ANKRD55: variants seen among roughly 807,000 people sequenced by gnomAD.
The protein encoded by ANKRD55 is ankyrin repeat domain 55, also known as ankyrin repeat domain-containing protein 55.
In ANKRD55, 41 loss-of-function variants were observed where a neutral mutation model predicts 60.6. The observed-to-expected ratio is 0.68, with a 90% CI of 0.53 to 0.88. The LOEUF (loss-of-function observed/expected upper bound fraction) is 0.88. Among genes scored for constraint, ANKRD55 ranks in the 40% least tolerant of loss-of-function variants. ANKRD55 has a pLI of 0.00. For synonymous variants in ANKRD55, 264 were observed against 290.3 expected, an observed-to-expected ratio of 0.91 and a Z score of 0.92; for missense variants, 732 against 767.6, an observed-to-expected ratio of 0.95 and a Z score of 0.55.
At chr5:56,190,745 G>C (rs999241687) in intron 2 of ANKRD55, among the ~76,000 whole-genome samples, 3 of 152,150 alleles carry the variant, frequency 2.0e-5, no homozygotes, top group East Asian at 3.9e-4. Flanking sequence ...GCAGAAGCGA[G>C]CATCTGAGAC....
intron 8 of ANKRD55, among the ~76,000 whole-genome samples, chr5:56,124,417 GAGA>G (rs762870055): frequency 2.0e-5 from 3 of 152,188 alleles, no homozygotes; most frequent in African/African-American, 2.4e-5. Flanking sequence ...CACTAAAAAA[GAGA>G]AGAAGGAAAG....
intron 6 of ANKRD55, among the ~76,000 whole-genome samples, chr5:56,150,237 C>T (rs1758005900): frequency 6.6e-6 from 1 of 152,142 alleles, no homozygotes; most frequent in African/African-American, 2.4e-5. Context: ...GACTTTGCCA[C>T]CTCTATAAAT....
rs570219129 is a variant in ANKRD55 at position 56,225,197 on chromosome 5, G to A, written c.58+7659C>T. Among the ~76,000 whole-genome samples, 267 of 152,134 alleles carry A rather than the reference G, an allele frequency of 1.8e-3. 4 individuals carry two copies. Among genetic ancestry groups the A allele is most frequent in the African/African-American group, 5.9e-3 (246 of 41,478 alleles). On this transcript the variant is annotated intron_variant, in intron 2 of 11. Transcript: ENST00000341048. Reference sequence around the variant, plus strand: ...CTTCAACATACACAAATCAATAAACGTAATCCATCATATAAACAGAACCAA... The same window carrying A: ...CTTCAACATACACAAATCAATAAACATAATCCATCATATAAACAGAACCAA...
At chr5:56,204,466 A>G (rs370462793) in intron 2 of ANKRD55, among the ~76,000 whole-genome samples, 47 of 152,330 alleles carry the variant, frequency 3.1e-4, no homozygotes, top group African/African-American at 9.6e-4. Context: ...TAAGTCTAAC[A>G]TATAATTCTT....
At chr5:56,112,002 C>T (rs376551878) in intron 9 of ANKRD55, among the ~76,000 whole-genome samples, 7 of 152,250 alleles carry the variant, frequency 4.6e-5, no homozygotes, top group African/African-American at 1.7e-4. Context: ...AGTCTTTGCC[C>T]AAGGAGGACG....
chr5:56,102,004 T>A (rs530102715), intron 11 of ANKRD55, among the ~76,000 whole-genome samples: 72 of 152,050 alleles, frequency 4.7e-4, no homozygotes, highest in South Asian at 2.5e-3. Flanking sequence ...GTTATTTTTT[T>A]AAAAAAAATA....
chr5:56,121,530 A>G (rs753123533), intron 8 of ANKRD55, among the ~76,000 whole-genome samples: 9 of 151,568 alleles, frequency 5.9e-5, no homozygotes, highest in Admixed American at 1.3e-4. Context: ...CCGCCACCAC[A>G]CCCAGCTAAT....
intron 9 of ANKRD55, among the ~76,000 whole-genome samples, chr5:56,115,847 TTTAA>T (rs1168314453): frequency 3.9e-5 from 6 of 152,124 alleles, no homozygotes; most frequent in Non-Finnish European, 7.3e-5. Context: ...AATTTCTCAT[TTTAA>T]TTAATTAATT....
intron 10 of ANKRD55, among the ~76,000 whole-genome samples, chr5:56,107,605 G>A (rs1580936084): frequency 6.6e-6 from 1 of 152,124 alleles, no homozygotes; most frequent in African/African-American, 2.4e-5. Context: ...GTGAATATAT[G>A]ACCAAAGTTT....
chr5:56,182,578 G>A (rs1249620710), intron 3 of ANKRD55, among the ~76,000 whole-genome samples: 1 of 151,868 alleles, frequency 6.6e-6, no homozygotes, highest in East Asian at 1.9e-4. Context: ...TCTTTCATTG[G>A]CATCTGTTGA....
intron 7 of ANKRD55, 113 bp from the exon 8 acceptor site, chr5:56,127,219 A>G: frequency 1.5e-6 from 2 of 1,327,348 alleles, no homozygotes; most frequent in South Asian, 2.6e-5. Context: ...AAGAAAGAAA[A>G]AAGATGAAAA....
In ANKRD55 at chr5:56,183,592, G is replaced by A. The variant is rs1234406317; in HGVS notation, c.101C>T (p.Ala34Val). 5 of 1,614,212 alleles carry A rather than the reference G, an allele frequency of 3.1e-6. No individual in the cohort carries two copies. In the South Asian group the frequency reaches 5.5e-5, roughly 18 times the overall value. ...EEVDLTMVYQ[A>V]ASNGDVNALT... is the part of the protein sequence containing the mutation. ...AGCATTGACATCTCCATTAGAGGCTGCTTGATAAACCATGGTCAGGTCAAC... is the reference window on the plus strand; with the variant it reads ...AGCATTGACATCTCCATTAGAGGCTACTTGATAAACCATGGTCAGGTCAAC... The change falls in exon 3 of 12, where the codon GCA becomes GTA. Residue 34 changes from alanine to valine, a missense_variant. Physicochemically the swap from Ala to Val is moderately conservative, Grantham distance 64. Coordinates refer to ENST00000341048, the MANE Select transcript of ANKRD55 (RefSeq NM_024669.3).
chr5:56,224,465 G>C (rs1760053202), intron 2 of ANKRD55, among the ~76,000 whole-genome samples: 1 of 152,162 alleles, frequency 6.6e-6, no homozygotes, highest in Admixed American at 6.5e-5. Context: ...AAAGCTAGCA[G>C]AAGGCAAGAA....
intron 2 of ANKRD55, among the ~76,000 whole-genome samples, chr5:56,220,071 C>T (rs1389390276): frequency 6.6e-6 from 1 of 152,188 alleles, no homozygotes; most frequent in South Asian, 2.1e-4. Context: ...GAAGCTGATC[C>T]AATGAGTTGT....
chr5:56,130,635 A>G (rs1458283212), intron 7 of ANKRD55, among the ~76,000 whole-genome samples: 1 of 152,230 alleles, frequency 6.6e-6, no homozygotes, highest in Non-Finnish European at 1.5e-5. Flanking sequence ...CAATATCTAC[A>G]GAGCAAGCAT....
chr5:56,189,831 A>G (rs575332972), intron 2 of ANKRD55, among the ~76,000 whole-genome samples: 1 of 152,222 alleles, frequency 6.6e-6, no homozygotes, highest in East Asian at 1.9e-4. Context: ...TCTTTTGGGT[A>G]TATACTCAGA....
intron 2 of ANKRD55, among the ~76,000 whole-genome samples, chr5:56,207,278 A>G (rs1294061612): frequency 6.6e-6 from 1 of 152,242 alleles, no homozygotes; most frequent in Non-Finnish European, 1.5e-5. Context: ...TTCCTGAGGA[A>G]TGATTAGAGC....
intron 6 of ANKRD55, among the ~76,000 whole-genome samples, chr5:56,153,035 C>T (rs116121517): frequency 1.3e-3 from 192 of 152,096 alleles, no homozygotes; most frequent in African/African-American, 4.4e-3. Context: ...ATTTACAACC[C>T]AACAGCAAAG....
chr5:56,121,697 T>C (rs1303118830), intron 8 of ANKRD55, among the ~76,000 whole-genome samples: 2 of 152,038 alleles, frequency 1.3e-5, no homozygotes, highest in East Asian at 1.9e-4. Context: ...TTAAAAAAGA[T>C]TGTATGCTCC....
Sources: gnomAD v4.1 joint callset for allele counts (sites outside exome capture counted in the v4.1 genomes callset) on GRCh38, gnomAD v4.1.1 for gene constraint, MANE v1.5 for transcripts, NCBI Gene and HGNC (gene_info 2026-07-23, HGNC 2026-07-21) for gene names.